Variants in PDE4D observed in about 807,000 individuals in gnomAD.
PDE4D encodes 3',5'-cyclic-AMP phosphodiesterase 4D.
PDE4D carries 24 observed loss-of-function variants against 87.4 expected under a neutral mutation model. The observed-to-expected ratio is 0.27, with a 90% CI of 0.20 to 0.39. The LOEUF (loss-of-function observed/expected upper bound fraction) is 0.39. PDE4D is among the 10% of genes least tolerant of loss of function. The pLI, the probability that PDE4D is intolerant of heterozygous loss-of-function variation, is 1.00. For synonymous variants in PDE4D, 384 were observed against 383.2 expected, an observed-to-expected ratio of 1.00 and a Z score of -0.02; for missense variants, 714 against 1,041.0, an observed-to-expected ratio of 0.69 and a Z score of 4.32.
chr5:59,106,864 C>G (rs572434632), intron 5 of PDE4D, among the ~76,000 whole-genome samples: 1 of 152,174 alleles, frequency 6.6e-6, no homozygotes, highest in African/African-American at 2.4e-5. Flanking sequence ...AATGACTGCA[C>G]AGTACAGGGG....
intron 6 of PDE4D, among the ~76,000 whole-genome samples, chr5:59,034,443 T>C (rs939328386): frequency 2.6e-5 from 4 of 152,222 alleles, no homozygotes; most frequent in Non-Finnish European, 5.9e-5. Context: ...TGAGTTACAC[T>C]GTAGTTGCAT....
chr5:59,454,367 T>C (rs1358130951), intron 1 of PDE4D, among the ~76,000 whole-genome samples: 2 of 152,148 alleles, frequency 1.3e-5, no homozygotes, highest in Non-Finnish European at 2.9e-5. Context: ...ATTCTCATGA[T>C]AGTAAATGAG....
intron 1 of PDE4D, among the ~76,000 whole-genome samples, chr5:59,813,136 T>A (rs1405713717): frequency 6.6e-6 from 1 of 152,238 alleles, no homozygotes; most frequent in Non-Finnish European, 1.5e-5. Flanking sequence ...TCTGTTTGGA[T>A]GCTTACTTGC....
chr5:60,161,828 G>A (rs1782496832), intron 2 of PDE4D, among the ~76,000 whole-genome samples: 1 of 152,174 alleles, frequency 6.6e-6, no homozygotes, highest in African/African-American at 2.4e-5. Context: ...TAGCATTAGA[G>A]AGGATCACAG....
chr5:59,382,567 A>G (rs954723858), intron 1 of PDE4D, among the ~76,000 whole-genome samples: 1 of 152,180 alleles, frequency 6.6e-6, no homozygotes, highest in Non-Finnish European at 1.5e-5. Flanking sequence ...TATAGATACC[A>G]ACAGGGCTGG....
intron 1 of PDE4D, among the ~76,000 whole-genome samples, chr5:60,483,898 C>T (rs919252081): frequency 2.6e-5 from 4 of 152,100 alleles, no homozygotes; most frequent in Admixed American, 6.5e-5. Flanking sequence ...TTAGCATAAC[C>T]AATATTGCTG....
At chr5:60,133,300 C>A (rs1779746910) in intron 2 of PDE4D, among the ~76,000 whole-genome samples, 1 of 152,008 alleles carries the variant, frequency 6.6e-6, no homozygotes, top group Non-Finnish European at 1.5e-5. Context: ...TCATACTCTG[C>A]CACTTATTGC....
At chr5:59,214,489 T>C (rs535933932) in intron 2 of PDE4D, among the ~76,000 whole-genome samples, 1 of 152,268 alleles carries the variant, frequency 6.6e-6, no homozygotes, top group Admixed American at 6.5e-5. Context: ...CCATCTCCTC[T>C]CTCTGTTCCT....
chr5:60,131,677 A>G (rs1334942346), intron 2 of PDE4D, among the ~76,000 whole-genome samples: 2 of 152,206 alleles, frequency 1.3e-5, no homozygotes, highest in Non-Finnish European at 2.9e-5. Context: ...GAGCAAAGAC[A>G]CAGGAATATG....
chr5:59,866,272 A>C (rs1354584470), intron 1 of PDE4D, among the ~76,000 whole-genome samples: 2 of 152,198 alleles, frequency 1.3e-5, no homozygotes, highest in Non-Finnish European at 2.9e-5. Flanking sequence ...CTCTCATTAT[A>C]CTTTCATTTC....
intron 1 of PDE4D, among the ~76,000 whole-genome samples, chr5:59,234,451 A>G (rs1279036277): frequency 6.6e-6 from 1 of 152,160 alleles, no homozygotes; most frequent in African/African-American, 2.4e-5. Context: ...AAGCCATTCA[A>G]TTCAGCAAAG....
At chr5:59,442,761 T>C (rs1368313894) in intron 1 of PDE4D, among the ~76,000 whole-genome samples, 2 of 152,138 alleles carry the variant, frequency 1.3e-5, no homozygotes, top group African/African-American at 2.4e-5. Context: ...GGGTTCTTGT[T>C]GGGGAAATTT....
At chr5:59,155,974 A>G (rs1451204190) in intron 5 of PDE4D, among the ~76,000 whole-genome samples, 2 of 152,090 alleles carry the variant, frequency 1.3e-5, no homozygotes, top group African/African-American at 4.8e-5. Flanking sequence ...TGGGAGGCTT[A>G]AGAGAGAGGA....
At chr5:60,248,828 C>T (rs1200409180) in intron 1 of PDE4D, among the ~76,000 whole-genome samples, 1 of 151,934 alleles carries the variant, frequency 6.6e-6, no homozygotes, top group Non-Finnish European at 1.5e-5. Context: ...TTCAGTGCTC[C>T]AAAAATATAC....
intron 1 of PDE4D, among the ~76,000 whole-genome samples, chr5:59,442,215 G>A (rs959448852): frequency 6.6e-6 from 1 of 152,188 alleles, no homozygotes; most frequent in Non-Finnish European, 1.5e-5. Flanking sequence ...TATCTTGGAA[G>A]ATCATTCAGA....
chr5:59,616,918 C>T lies in PDE4D; in HGVS notation c.455+276250G>A, dbSNP rs369655893. 8.0e-4 allele frequency among the ~76,000 whole-genome samples: 50 copies of T among 62,764 alleles called. 1 individual carries two copies. Among genetic ancestry groups the T allele is most frequent in the South Asian group, 1.7e-3 (2 of 1,150 alleles). 41.2% of individuals were successfully genotyped at this position (62,764 alleles called of 152,430 possible). ...GTGTATTACTTAGACCTAATAATTACATATATATATATATATATATATATA... is the reference window on the plus strand; with the variant it reads ...GTGTATTACTTAGACCTAATAATTATATATATATATATATATATATATATA... On this transcript the variant is annotated intron_variant, in intron 1 of 14. Coordinates refer to ENST00000340635, the MANE Select transcript of PDE4D (RefSeq NM_001104631.2).
intron 5 of PDE4D, among the ~76,000 whole-genome samples, chr5:59,042,200 T>C (rs1463390544): frequency 6.6e-6 from 1 of 152,210 alleles, no homozygotes; most frequent in Non-Finnish European, 1.5e-5. Context: ...AGAATATTGC[T>C]TTTTTCCAAA....
intron 2 of PDE4D, among the ~76,000 whole-genome samples, chr5:60,153,322 A>T (rs1463594310): frequency 6.6e-6 from 1 of 152,206 alleles, no homozygotes; most frequent in East Asian, 1.9e-4. Context: ...AAACCACAAT[A>T]TCACCTCACA....
chr5:59,681,050 C>T (rs1748913088), intron 1 of PDE4D, among the ~76,000 whole-genome samples: 3 of 152,082 alleles, frequency 2.0e-5, no homozygotes, highest in African/African-American at 7.2e-5. Context: ...CAAAAGCACA[C>T]CTACTCTCCA....
Sources: gnomAD v4.1 joint callset for allele counts (sites outside exome capture counted in the v4.1 genomes callset) on GRCh38, gnomAD v4.1.1 for gene constraint, MANE v1.5 for transcripts, NCBI Gene and HGNC (gene_info 2026-07-23, HGNC 2026-07-21) for gene names.